The following EPB41L4B variants were observed in gnomAD, a reference collection of about 807,000 sequenced individuals.
EPB41L4B encodes the protein band 4.1-like protein 4B.
A neutral mutation model predicts 112.5 loss-of-function variants in EPB41L4B; 30 were observed. The ratio of observed to expected loss-of-function variants is 0.27; its 90% CI spans 0.20 to 0.36. The LOEUF is 0.36. Ranked by LOEUF, EPB41L4B falls within the 10% of genes least tolerant of loss-of-function variation. The probability of loss-of-function intolerance (pLI) is 1.00; values close to 1 mark genes in which losing one functional copy is unlikely to be tolerated. For missense variants in EPB41L4B, 1,024 were observed against 1,133.3 expected (o/e 0.90, Z 1.38); for synonymous variants, 408 against 439.7 (o/e 0.93, Z 0.90).
At chr9:109,314,479 G>C (rs371392331) in intron 1 of EPB41L4B, among the ~76,000 whole-genome samples, 36 of 152,074 alleles carry the variant, frequency 2.4e-4, no homozygotes, top group African/African-American at 8.4e-4. Context: ...TCATGTTACC[G>C]GCACTGGAGA....
At chr9:109,263,141 C>T in intron 5 of EPB41L4B, 39 bp from the exon 6 acceptor site, 2 of 1,296,168 alleles carry the variant, frequency 1.5e-6, no homozygotes, top group Non-Finnish European at 2.2e-6. Flanking sequence ...GAAATAGGAA[C>T]TTAAGTACAA....
intron 14 of EPB41L4B, among the ~76,000 whole-genome samples, chr9:109,245,984 T>C (rs762517473): frequency 9.9e-5 from 15 of 152,232 alleles, no homozygotes; most frequent in Non-Finnish European, 1.9e-4. Flanking sequence ...GCTCAGCTGC[T>C]TTGCTTTTCT....
At chr9:109,279,312 G>T (rs551094631) in intron 2 of EPB41L4B, among the ~76,000 whole-genome samples, 3 of 152,082 alleles carry the variant, frequency 2.0e-5, no homozygotes, top group African/African-American at 7.2e-5. Context: ...GACCATCTGG[G>T]TTCAATCAAT....
In EPB41L4B at chr9:109,277,655, C is replaced by T. The variant is rs546235660; in HGVS notation, c.411+2162G>A. 1.2e-3 allele frequency among the ~76,000 whole-genome samples: 188 copies of T among 152,212 alleles called. 1 individual carries two copies. The highest frequency in any genetic ancestry group is 4.6e-3 in the East Asian group (24 of 5,172). ...GCCACAGAGGAAACAGATGGGCCTG[C>T]GTGTCAAGGGGAGGCCAGGGGACAG... is the stretch of plus-strand genomic sequence containing the variant. On this transcript the variant is annotated intron_variant, in intron 2 of 25. Coordinates refer to ENST00000374566, the MANE Select transcript of EPB41L4B (RefSeq NM_019114.5).
At chr9:109,243,108 A>C (rs1834409540) in intron 15 of EPB41L4B, among the ~76,000 whole-genome samples, 1 of 150,556 alleles carries the variant, frequency 6.6e-6, no homozygotes, top group African/African-American at 2.4e-5. Flanking sequence ...AGCAGAATAT[A>C]TTGACTGTCT....
intron 24 of EPB41L4B, among the ~76,000 whole-genome samples, chr9:109,180,685 A>G (rs1832021516): frequency 6.6e-6 from 1 of 152,146 alleles, no homozygotes; most frequent in Non-Finnish European, 1.5e-5. Context: ...GGTAGTGGCC[A>G]TCATCCATCT....
chr9:109,256,643 T>G (rs1037390624), intron 7 of EPB41L4B, among the ~76,000 whole-genome samples, 163 bp from the exon 8 acceptor site: 1 of 152,240 alleles, frequency 6.6e-6, no homozygotes, highest in Non-Finnish European at 1.5e-5. Context: ...GTTAATTGAC[T>G]AGAAAGACCA....
At position 109,173,156 on chromosome 9, in the gene EPB41L4B, C is replaced by T. The variant is rs1831689583; in HGVS notation, c.*1398G>A. 6.6e-6 allele frequency: 1 copy of T among 152,622 alleles called. No homozygotes were observed. The highest frequency in any genetic ancestry group is 6.5e-5 in the Admixed American group (1 of 15,274). 9.5% of individuals were successfully genotyped at this position (152,622 alleles called of 1,614,324 possible). On this transcript the variant is annotated 3_prime_UTR_variant, in exon 26 of 26. Transcript: ENST00000374566. ...TAAATAAAAATGGCAAAACCCAATACTGGCAGAGCTATTGGTAAACAGAAA... is the reference window on the plus strand; with the variant it reads ...TAAATAAAAATGGCAAAACCCAATATTGGCAGAGCTATTGGTAAACAGAAA...
At chr9:109,182,199 T>A (rs1487519877) in intron 24 of EPB41L4B, among the ~76,000 whole-genome samples, 1 of 151,800 alleles carries the variant, frequency 6.6e-6, no homozygotes, top group Non-Finnish European at 1.5e-5. Flanking sequence ...GTAGAACAGA[T>A]CTCAATCCGT....
intron 15 of EPB41L4B, among the ~76,000 whole-genome samples, chr9:109,221,171 G>A (rs1336470704): frequency 1.3e-5 from 2 of 151,724 alleles, no homozygotes; most frequent in African/African-American, 4.8e-5. Context: ...TAAAAACATG[G>A]AGACCTTTAC....
chr9:109,185,370 G>A (rs922652305), intron 23 of EPB41L4B, 119 bp downstream of exon 23: 29 of 813,398 alleles, frequency 3.6e-5, no homozygotes, highest in Non-Finnish European at 5.1e-5. Flanking sequence ...GGCACCTGTC[G>A]ATGGGCTCTG....
At chr9:109,307,831 A>G (rs1210052527) in intron 1 of EPB41L4B, among the ~76,000 whole-genome samples, 1 of 139,268 alleles carries the variant, frequency 7.2e-6, no homozygotes, top group Non-Finnish European at 1.6e-5. Flanking sequence ...TTCAGAAGAG[A>G]TGGCAGAGTC....
At chr9:109,207,883 C>G (rs751780292) in intron 18 of EPB41L4B, 41 bp downstream of exon 18, 1 of 1,612,202 alleles carries the variant, frequency 6.2e-7, no homozygotes, top group East Asian at 2.2e-5. Flanking sequence ...TCGAGGAAAT[C>G]CTATAACATG....
At chr9:109,176,451 G>A (rs1831841324) in intron 25 of EPB41L4B, 100 bp downstream of exon 25, 1 of 1,288,934 alleles carries the variant, frequency 7.8e-7, no homozygotes, top group Non-Finnish European at 1.0e-6. Flanking sequence ...ATGAAAGAAT[G>A]TAGGAAAGGC....
intron 15 of EPB41L4B, among the ~76,000 whole-genome samples, chr9:109,220,460 A>G (rs186821018): frequency 6.6e-6 from 1 of 152,330 alleles, no homozygotes; most frequent in African/African-American, 2.4e-5. Flanking sequence ...AGACTCCAGT[A>G]TCTCTCTGTT....
chr9:109,199,563 G>A (rs1472262648), intron 20 of EPB41L4B, among the ~76,000 whole-genome samples: 1 of 152,144 alleles, frequency 6.6e-6, no homozygotes. Context: ...CAACTACTTG[G>A]GAGGCTGAGG....
intron 13 of EPB41L4B, 58 bp from the exon 14 acceptor site, chr9:109,247,847 C>T: frequency 1.6e-6 from 2 of 1,265,132 alleles, no homozygotes; most frequent in Non-Finnish European, 2.2e-6. Context: ...TGTAGAGTGG[C>T]ATTATTAATG....
intron 15 of EPB41L4B, chr9:109,241,698 A>C: frequency 6.2e-7 from 1 of 1,614,172 alleles, no homozygotes; most frequent in Middle Eastern, 1.6e-4. Context: ...GATACATCAT[A>C]CTTTGCATCC....
chr9:109,179,717 C>A (rs759424382), intron 24 of EPB41L4B, among the ~76,000 whole-genome samples: 6 of 152,170 alleles, frequency 3.9e-5, no homozygotes, highest in Non-Finnish European at 5.9e-5. Flanking sequence ...ATATGGGAAC[C>A]ATTTCTGACC....
Sources: gnomAD v4.1 joint callset for allele counts (sites outside exome capture counted in the v4.1 genomes callset) on GRCh38, gnomAD v4.1.1 for gene constraint, MANE v1.5 for transcripts, NCBI Gene and HGNC (gene_info 2026-07-23, HGNC 2026-07-21) for gene names.